Variants in CCDC39 observed in about 807,000 individuals in gnomAD.
CCDC39 encodes coiled-coil domain-containing protein 39.
CCDC39 carries 113 observed loss-of-function variants against 121.0 expected under a neutral mutation model. That is an observed-to-expected ratio of 0.93 (90% CI 0.80 to 1.09). The LOEUF (loss-of-function observed/expected upper bound fraction) is 1.09, where lower values mean the gene tolerates loss of function less well. Among genes scored for constraint, CCDC39 ranks in the 50% least tolerant of loss-of-function variants. CCDC39 has a pLI of 0.00. For missense variants in CCDC39, 1,063 were observed against 1,074.7 expected (o/e 0.99, Z 0.15); for synonymous variants, 349 against 352.2 (o/e 0.99, Z 0.10).
intron 6 of CCDC39, among the ~76,000 whole-genome samples, chr3:180,656,268 T>A (rs1383278730): frequency 1.3e-5 from 2 of 152,178 alleles, no homozygotes; most frequent in South Asian, 2.1e-4. Context: ...TACTTCAACA[T>A]CATACTTAAT....
In CCDC39 at chr3:180,660,994, A is replaced by G. The variant is rs150057174; in HGVS notation, c.358-266T>C. 3.7e-3 allele frequency among the ~76,000 whole-genome samples: 566 copies of G among 152,178 alleles called. 2 individuals are homozygous for G. Among genetic ancestry groups the G allele is most frequent in the Admixed American group, 6.7e-3 (103 of 15,284 alleles). ...TAGTTGAGCCAAAGCTTGCTTTAAA[A>G]GCCTTTAGGCTTTAAGGTAGCTCCC... On this transcript the variant is annotated intron_variant, in intron 3 of 19. Transcript: ENST00000476379.
In CCDC39 at chr3:180,666,206, T is replaced by C. The variant is rs181355609; in HGVS notation, c.91-2220A>G. 8.0e-4 allele frequency among the ~76,000 whole-genome samples: 122 copies of C among 152,290 alleles called. 1 individual carries two copies. Among genetic ancestry groups the C allele is most frequent in the South Asian group, 1.9e-3 (9 of 4,830 alleles). ...GACTACTCTAGGTACCTCATATAAA[T>C]GCAATCATGCAATATTTGGCCTTTT... On this transcript the variant is annotated intron_variant, in intron 1 of 19. Transcript: ENST00000476379.
chr3:180,658,935 A>G (rs926421584), intron 6 of CCDC39, among the ~76,000 whole-genome samples: 1 of 152,176 alleles, frequency 6.6e-6, no homozygotes, highest in Non-Finnish European at 1.5e-5. Context: ...ACCTCTGAAA[A>G]TAACAAGAGA....
intron 16 of CCDC39, chr3:180,617,806 A>G (rs1410320945): frequency 4.1e-6 from 1 of 241,256 alleles, no homozygotes; most frequent in Non-Finnish European, 7.8e-6. Context: ...GGAGAAATAA[A>G]ATTATTTTTA....
intron 1 of CCDC39, among the ~76,000 whole-genome samples, chr3:180,675,027 A>G (rs1019197768): frequency 6.6e-6 from 1 of 152,110 alleles, no homozygotes; most frequent in African/African-American, 2.4e-5. Context: ...CTCTTTTTCT[A>G]TTGATTGGAA....
At chr3:180,658,259 A>G (rs1711635796) in intron 6 of CCDC39, among the ~76,000 whole-genome samples, 1 of 147,170 alleles carries the variant, frequency 6.8e-6, no homozygotes, top group Non-Finnish European at 1.5e-5. Flanking sequence ...AGGTAGTATC[A>G]GCATTAATTA....
At chr3:180,650,127 C>A (rs1035199729) in intron 9 of CCDC39, among the ~76,000 whole-genome samples, 5 of 152,102 alleles carry the variant, frequency 3.3e-5, no homozygotes, top group Non-Finnish European at 7.4e-5. Flanking sequence ...GAAGTAGAGT[C>A]AGGTCACACT....
chr3:180,618,902 C>A (rs141042053), intron 16 of CCDC39, among the ~76,000 whole-genome samples: 15 of 152,168 alleles, frequency 9.9e-5, no homozygotes, highest in African/African-American at 3.1e-4. Flanking sequence ...TAAGTACTTT[C>A]TACTAGATTA....
chr3:180,648,005 C>T (rs1718113146), intron 10 of CCDC39, among the ~76,000 whole-genome samples, 160 bp downstream of exon 10: 1 of 152,018 alleles, frequency 6.6e-6, no homozygotes, highest in African/African-American at 2.4e-5. Context: ...TTTAAGGCTC[C>T]CTCACCCTAC....
At chr3:180,621,794 ATTT>A (rs1294345629) in intron 14 of CCDC39, among the ~76,000 whole-genome samples, 5 of 151,990 alleles carry the variant, frequency 3.3e-5, no homozygotes, top group Admixed American at 1.3e-4. Flanking sequence ...TTTGTGTCTC[ATTT>A]TATACCAGTA....
Position 180,616,918 on chromosome 3 carries a change from T to C in CCDC39, c.2314A>G (p.Lys772Glu). 1 of 1,533,478 alleles carries C rather than the reference T, an allele frequency of 6.5e-7. No homozygotes were observed. The highest frequency in any genetic ancestry group is 9.0e-7 in the Non-Finnish European group (1 of 1,115,034). 95.0% of individuals were successfully genotyped at this position (1,533,478 alleles called of 1,614,324 possible). ...DVIEHLANNV[K>E]EKLSEKQAYS... ...GCCTGCTTCTCTGATAACTTTTCTT[T>C]AACATTATTTGCCAAATGTTCTATA... The change falls in exon 17 of 20, where the codon AAA becomes GAA. Residue 772 changes from lysine to glutamate, a missense_variant. Physicochemically the swap from Lys to Glu is moderately conservative, Grantham distance 56 (BLOSUM62 1). Coordinates refer to ENST00000476379, the MANE Select transcript of CCDC39 (RefSeq NM_181426.2).
At chr3:180,671,467 A>G (rs924813653) in intron 1 of CCDC39, among the ~76,000 whole-genome samples, 1 of 152,162 alleles carries the variant, frequency 6.6e-6, no homozygotes, top group African/African-American at 2.4e-5. Context: ...TTGCTGTCTA[A>G]CACCACTGGC....
At chr3:180,638,513 T>TA (rs2108416981) in intron 13 of CCDC39, among the ~76,000 whole-genome samples, 1 of 152,028 alleles carries the variant, frequency 6.6e-6, no homozygotes, top group South Asian at 2.1e-4. Context: ...ACAAAACACA[T>TA]ACGTAATTTT....
Position 180,614,942 on chromosome 3 carries a change from C to T in CCDC39, c.2805G>A (p.Lys935=). ...SSASSSSSNV[K]SKKSSK ...ATGTTTATTTGCTGCTCTTTTTGCTCTTAACATTACTAGAGCTACTACTAG... is the reference window on the plus strand; with the variant it reads ...ATGTTTATTTGCTGCTCTTTTTGCTTTTAACATTACTAGAGCTACTACTAG... The change falls in exon 20 of 20, where the codon AAG becomes AAA. Residue 935 remains lysine, a synonymous_variant. Transcript: ENST00000476379. The T allele has an allele frequency of 1.3e-6, 2 of 1,564,038 alleles. No homozygotes were observed. The highest frequency in any genetic ancestry group is 8.7e-7 in the Non-Finnish European group (1 of 1,152,608).
intron 7 of CCDC39, among the ~76,000 whole-genome samples, chr3:180,653,365 C>T (rs146862122): frequency 6.6e-6 from 1 of 152,300 alleles, no homozygotes; most frequent in East Asian, 1.9e-4. Flanking sequence ...TTTAATACAA[C>T]TTAGGTAAAG....
intron 6 of CCDC39, among the ~76,000 whole-genome samples, chr3:180,655,810 C>G (rs1711564685): frequency 6.6e-6 from 1 of 151,850 alleles, no homozygotes; most frequent in Non-Finnish European, 1.5e-5. Context: ...CAATGTGAAG[C>G]AAAAAGATTT....
chr3:180,622,879 T>C (rs563930770), intron 14 of CCDC39, among the ~76,000 whole-genome samples: 1 of 152,112 alleles, frequency 6.6e-6, no homozygotes, highest in South Asian at 2.1e-4. Context: ...TTTATCGTTT[T>C]CTTTTTTGTG....
At chr3:180,665,004 G>T (rs1247852727) in intron 1 of CCDC39, among the ~76,000 whole-genome samples, 1 of 151,900 alleles carries the variant, frequency 6.6e-6, no homozygotes, top group African/African-American at 2.4e-5. Context: ...CACCACACCT[G>T]GCCTAAACCA....
chr3:180,650,252 G>A (rs1039459246), intron 9 of CCDC39, among the ~76,000 whole-genome samples: 1 of 152,136 alleles, frequency 6.6e-6, no homozygotes, highest in African/African-American at 2.4e-5. Flanking sequence ...AAAAGACTGA[G>A]GTAGAAGAAG....
Sources: allele counts gnomAD v4.1 joint callset (sites outside exome capture counted in the v4.1 genomes callset), GRCh38; gene constraint gnomAD v4.1.1; transcripts MANE v1.5; gene names NCBI Gene and HGNC (gene_info 2026-07-23, HGNC 2026-07-21).